Variants in ADAMTS12 observed in about 807,000 individuals in gnomAD.
ADAMTS12 encodes ADAM metallopeptidase with thrombospondin type 1 motif 12, also known as A disintegrin and metalloproteinase with thrombospondin motifs 12.
A neutral mutation model predicts 167.8 loss-of-function variants in ADAMTS12; 118 were observed. That is an observed-to-expected ratio of 0.70 (90% CI 0.61 to 0.82). ADAMTS12 has a LOEUF of 0.82. Among genes scored for constraint, ADAMTS12 ranks in the 40% least tolerant of loss-of-function variants. The probability of loss-of-function intolerance (pLI) is 0.00; values close to 1 mark genes in which losing one functional copy is unlikely to be tolerated. For synonymous variants in ADAMTS12, 704 were observed against 716.9 expected (o/e 0.98, Z 0.29); for missense variants, 1,916 against 1,998.8 (o/e 0.96, Z 0.79).
rs533852690 is a variant in ADAMTS12 at position 33,667,960 on chromosome 5, T to G, written c.916-5920A>C. Among the ~76,000 whole-genome samples the G allele has an allele frequency of 2.0e-4, 31 of 152,318 alleles. No individual in the cohort carries two copies. In the South Asian group the frequency reaches 2.5e-3, roughly 12 times the overall value. On this transcript the variant is annotated intron_variant, in intron 5 of 23. Coordinates refer to ENST00000504830, the MANE Select transcript of ADAMTS12 (RefSeq NM_030955.4). ...TACTACTGCACCTGCTTCCAATATC[T>G]TTCTATCCTAGCATTTGTTTTAATG...
intron 2 of ADAMTS12, among the ~76,000 whole-genome samples, chr5:33,791,459 T>A (rs1426292991): frequency 6.6e-6 from 1 of 152,222 alleles, no homozygotes; most frequent in East Asian, 1.9e-4. Context: ...TGTGCCTAGA[T>A]GCCTTAAAAA....
intron 19 of ADAMTS12, among the ~76,000 whole-genome samples, chr5:33,563,482 C>G (rs2111900357): frequency 6.6e-6 from 1 of 152,278 alleles, no homozygotes; most frequent in Middle Eastern, 3.4e-3. Flanking sequence ...AGGATGAGGG[C>G]TCATTACACC....
chr5:33,664,580 G>A (rs111893770), intron 5 of ADAMTS12, among the ~76,000 whole-genome samples: 2,704 of 152,216 alleles, frequency 0.018, 70 homozygotes, highest in African/African-American at 0.062. Context: ...TCAAGGAAAT[G>A]CAAATTAAAA....
At position 33,592,690 on chromosome 5, in the gene ADAMTS12, T is replaced by TA. The variant is rs200726982; in HGVS notation, c.2654+3243dup. ...ATAATCAAAAGTTTTTATTAAATCT[T>TA]AAAAAAATCTCTCTCAAATACTCCT... On this transcript the variant is annotated intron_variant, in intron 17 of 23. Transcript: ENST00000504830. 2.9e-3 allele frequency among the ~76,000 whole-genome samples: 437 copies of TA among 152,180 alleles called. 1 individual carries two copies. The highest frequency in any genetic ancestry group is 8.8e-3 in the African/African-American group (364 of 41,508).
intron 19 of ADAMTS12, among the ~76,000 whole-genome samples, chr5:33,569,415 C>CA (rs1579679350): frequency 6.6e-6 from 1 of 152,316 alleles, no homozygotes; most frequent in East Asian, 1.9e-4. Flanking sequence ...GAGGAACGAT[C>CA]AGACAGCAGC....
chr5:33,686,139 T>C (rs1001291981), intron 3 of ADAMTS12, among the ~76,000 whole-genome samples: 4 of 152,206 alleles, frequency 2.6e-5, no homozygotes, highest in Admixed American at 2.0e-4. Flanking sequence ...TGACCTTGTG[T>C]GTGAGGGTGA....
chr5:33,535,165 G>T (rs1046351550), intron 22 of ADAMTS12, among the ~76,000 whole-genome samples, 173 bp from the exon 23 acceptor site: 4 of 152,240 alleles, frequency 2.6e-5, no homozygotes, highest in African/African-American at 9.6e-5. Context: ...TGTGAGTTTA[G>T]AGAGACTCTA....
intron 2 of ADAMTS12, among the ~76,000 whole-genome samples, chr5:33,770,850 T>C (rs923547623): frequency 1.3e-5 from 2 of 150,584 alleles, no homozygotes; most frequent in Non-Finnish European, 2.9e-5. Context: ...CTCCTCCTCC[T>C]CTTCCTCCTC....
chr5:33,533,543 G>A (rs965684643), intron 23 of ADAMTS12, among the ~76,000 whole-genome samples: 2 of 152,154 alleles, frequency 1.3e-5, no homozygotes, highest in Non-Finnish European at 2.9e-5. Flanking sequence ...CATGTTTTGA[G>A]AAGCAAGAGT....
At position 33,584,849 on chromosome 5, in the gene ADAMTS12, C is replaced by T. The variant is rs540867063; in HGVS notation, c.2865+3750G>A. On this transcript the variant is annotated intron_variant, in intron 18 of 23. Coordinates refer to ENST00000504830, the MANE Select transcript of ADAMTS12 (RefSeq NM_030955.4). ...GGTTCATAATTGAGCAAACTGAGGT[C>T]CTATAAGGAAAAATCATTTTCCTAA... Among the ~76,000 whole-genome samples the T allele has an allele frequency of 1.6e-4, 24 of 152,216 alleles. No individual in the cohort carries two copies. The East Asian group carries it at 4.4e-3, about 28-fold the overall frequency.
At position 33,870,104 on chromosome 5, in the gene ADAMTS12, A is replaced by T. The variant is rs527250094; in HGVS notation, c.489+11015T>A. On this transcript the variant is annotated intron_variant, in intron 2 of 23. Transcript: ENST00000504830. The stretch of plus-strand genomic sequence containing the variant: ...CCCCAGGCACTCAGACCTAATGGTT[A>T]TCTCCCTTGTTCCCTGAACATCACT... 1.1e-4 allele frequency among the ~76,000 whole-genome samples: 17 copies of T among 152,286 alleles called. No individual in the cohort carries two copies. In the South Asian group the frequency reaches 3.3e-3, roughly 30 times the overall value.
chr5:33,796,779 G>C (rs534380397), intron 2 of ADAMTS12, among the ~76,000 whole-genome samples: 1 of 152,288 alleles, frequency 6.6e-6, no homozygotes, highest in East Asian at 1.9e-4. Flanking sequence ...AGCAGGAAAA[G>C]AAATGGTGCA....
intron 5 of ADAMTS12, among the ~76,000 whole-genome samples, chr5:33,679,713 A>G: frequency 6.6e-6 from 1 of 152,234 alleles, no homozygotes; most frequent in African/African-American, 2.4e-5. Context: ...GCTTTTGTGC[A>G]GTAGACTCAA....
chr5:33,867,309 G>A (rs1257471453), intron 2 of ADAMTS12, among the ~76,000 whole-genome samples: 1 of 152,114 alleles, frequency 6.6e-6, no homozygotes, highest in East Asian at 1.9e-4. Context: ...GTCTTTTGCA[G>A]AAACTTGGAT....
intron 5 of ADAMTS12, among the ~76,000 whole-genome samples, chr5:33,676,338 C>T (rs1454435672): frequency 6.6e-6 from 1 of 152,088 alleles, no homozygotes; most frequent in African/African-American, 2.4e-5. Context: ...ACAATCTGAC[C>T]ATGCTCTGGT....
At chr5:33,861,635 C>T (rs958041966) in intron 2 of ADAMTS12, among the ~76,000 whole-genome samples, 5 of 152,178 alleles carry the variant, frequency 3.3e-5, no homozygotes, top group Non-Finnish European at 5.9e-5. Context: ...AGAAAATTAA[C>T]AAGGATATTC....
At chr5:33,725,693 C>T (rs192104046) in intron 3 of ADAMTS12, among the ~76,000 whole-genome samples, 6 of 152,324 alleles carry the variant, frequency 3.9e-5, no homozygotes, top group African/African-American at 7.2e-5. Flanking sequence ...CCAGACACAT[C>T]GGCGAGGAAG....
chr5:33,786,516 T>C (rs1370102284), intron 2 of ADAMTS12, among the ~76,000 whole-genome samples: 2 of 151,982 alleles, frequency 1.3e-5, no homozygotes, highest in Non-Finnish European at 2.9e-5. Context: ...ATATTAGAAG[T>C]TGAAGAATAC....
intron 14 of ADAMTS12, among the ~76,000 whole-genome samples, chr5:33,622,677 C>T (rs1275999124): frequency 1.3e-5 from 2 of 151,918 alleles, no homozygotes; most frequent in African/African-American, 2.4e-5. Flanking sequence ...GAAACAAAAA[C>T]GAAAAAACAG....
Sources: allele counts gnomAD v4.1 joint callset (sites outside exome capture counted in the v4.1 genomes callset), GRCh38; gene constraint gnomAD v4.1.1; transcripts MANE v1.5; gene names NCBI Gene and HGNC (gene_info 2026-07-23, HGNC 2026-07-21).